Variants in PARM1 observed in about 807,000 individuals in gnomAD.
PARM1 encodes prostate androgen-regulated mucin-like protein 1, also known as WSC4, cell wall integrity and stress response component 4 homolog.
A neutral mutation model predicts 24.6 loss-of-function variants in PARM1; 14 were observed. The ratio of observed to expected loss-of-function variants is 0.57; its 90% CI spans 0.38 to 0.89. PARM1 has a LOEUF of 0.89. Ranked by LOEUF, PARM1 falls within the 40% of genes least tolerant of loss-of-function variation. PARM1 has a pLI of 0.00. For missense variants in PARM1, 362 were observed against 380.4 expected (o/e 0.95, Z 0.40); for synonymous variants, 179 against 156.6 (o/e 1.14, Z -1.07).
intron 1 of PARM1, chr4:74,967,434 C>T (rs1391117264): frequency 6.6e-6 from 1 of 152,140 alleles, no homozygotes; most frequent in Non-Finnish European, 1.5e-5. Context: ...CATTTCTTCA[C>T]CTGACTTTGG....
intron 1 of PARM1, among the ~76,000 whole-genome samples, chr4:74,969,189 C>G (rs1721971332): frequency 1.3e-5 from 2 of 152,154 alleles, no homozygotes; most frequent in African/African-American, 4.8e-5. Flanking sequence ...TACTCTTTCT[C>G]ACTTACAGAA....
At chr4:74,955,232 G>GAA (rs957577775) in intron 1 of PARM1, among the ~76,000 whole-genome samples, 18 of 140,228 alleles carry the variant, frequency 1.3e-4, no homozygotes, top group African/African-American at 4.1e-4. Flanking sequence ...TTTGAAAAAT[G>GAA]AAAAAAAAAA....
intron 1 of PARM1, among the ~76,000 whole-genome samples, chr4:74,964,914 T>A (rs1721867283): frequency 6.6e-6 from 1 of 152,194 alleles, no homozygotes; most frequent in South Asian, 2.1e-4. Context: ...TCTTGAAAGT[T>A]TAGGAATAGA....
rs769441245 is a variant in PARM1, at chr4:75,044,603, T to A, written c.849-1560T>A. ...GGAAGAGAAGCAATAACAAGTAAAT[T>A]ATATAGTATGTTAGAAGGTGAGGAG... On this transcript the variant is annotated intron_variant, in intron 3 of 3. Transcript: ENST00000307428. 8.0e-4 allele frequency among the ~76,000 whole-genome samples: 122 copies of A among 152,226 alleles called. No homozygotes were observed. The Middle Eastern group carries it at 0.01, about 13-fold the overall frequency.
chr4:74,988,045 T>C (rs1303320377), intron 1 of PARM1, among the ~76,000 whole-genome samples: 1 of 152,242 alleles, frequency 6.6e-6, no homozygotes, highest in Admixed American at 6.5e-5. Context: ...GACTTCATTA[T>C]GGGAGAGATG....
intron 1 of PARM1, among the ~76,000 whole-genome samples, chr4:74,975,579 G>A (rs939144306): frequency 1.3e-5 from 2 of 152,138 alleles, no homozygotes; most frequent in African/African-American, 4.8e-5. Context: ...GAAGTCAAAG[G>A]TATATTTTAT....
intron 1 of PARM1, among the ~76,000 whole-genome samples, chr4:74,981,176 A>G (rs1038876929): frequency 3.3e-5 from 5 of 152,202 alleles, no homozygotes; most frequent in African/African-American, 4.8e-5. Context: ...TGAACAGACA[A>G]CTTACAGGAT....
At chr4:75,008,223 T>C (rs924436459) in intron 1 of PARM1, among the ~76,000 whole-genome samples, 4 of 152,208 alleles carry the variant, frequency 2.6e-5, no homozygotes, top group African/African-American at 9.6e-5. Flanking sequence ...ATTTCATGCA[T>C]TGTTAGTTTG....
intron 2 of PARM1, 67 bp from the exon 3 acceptor site, chr4:75,033,816 A>G: frequency 1.5e-6 from 2 of 1,317,168 alleles, no homozygotes; most frequent in Non-Finnish European, 2.1e-6. Flanking sequence ...GATACTACGC[A>G]CGCCAAAGTC....
chr4:74,939,700 A>G (rs541361880), intron 1 of PARM1, among the ~76,000 whole-genome samples: 125 of 152,320 alleles, frequency 8.2e-4, no homozygotes, highest in African/African-American at 2.9e-3. Context: ...AACATATTAT[A>G]TAGAATTTTA....
At chr4:74,996,851 A>G (rs1384651203) in intron 1 of PARM1, among the ~76,000 whole-genome samples, 2 of 152,172 alleles carry the variant, frequency 1.3e-5, no homozygotes, top group Non-Finnish European at 2.9e-5. Flanking sequence ...TGTAGTTTTT[A>G]TATGGTGCTC....
At chr4:74,937,755 A>G (rs962083964) in intron 1 of PARM1, among the ~76,000 whole-genome samples, 16 of 152,246 alleles carry the variant, frequency 1.1e-4, no homozygotes. Flanking sequence ...ATGTGTTTGT[A>G]CTTGAACTAT....
At chr4:74,967,674 A>C (rs1721933558) in intron 1 of PARM1, 1 of 152,202 alleles carries the variant, frequency 6.6e-6, no homozygotes, top group Non-Finnish European at 1.5e-5. Flanking sequence ...CCATAAATAC[A>C]TTCTGAAAAG....
intron 1 of PARM1, among the ~76,000 whole-genome samples, chr4:74,964,553 GCACACA>G (rs35380033): frequency 2.1e-5 from 3 of 143,294 alleles, no homozygotes; most frequent in Non-Finnish European, 4.5e-5. Context: ...ACCTGGCAAA[GCACACA>G]CACACACACA....
intron 2 of PARM1, among the ~76,000 whole-genome samples, chr4:75,014,117 GT>G (rs1722932776): frequency 1.3e-5 from 2 of 152,204 alleles, no homozygotes; most frequent in South Asian, 4.1e-4. Context: ...TGCATGGTCA[GT>G]TGGGGTCAAA....
chr4:74,979,585 G>A (rs185835760), intron 1 of PARM1, among the ~76,000 whole-genome samples: 19 of 152,272 alleles, frequency 1.2e-4, no homozygotes, highest in African/African-American at 4.6e-4. Flanking sequence ...AATTGAAAAG[G>A]AGGGACTTCT....
At chr4:75,033,521 A>C (rs2109808913) in intron 2 of PARM1, among the ~76,000 whole-genome samples, 1 of 152,312 alleles carries the variant, frequency 6.6e-6, no homozygotes, top group Middle Eastern at 3.4e-3. Context: ...GACATCAAGA[A>C]ATCTAAAACC....
chr4:74,965,081 C>A (rs1211470180), intron 1 of PARM1: 1 of 152,158 alleles, frequency 6.6e-6, no homozygotes. Context: ...CATTCCACCC[C>A]CTAGATTCCA....
At chr4:74,956,848 T>G (rs1486460252) in intron 1 of PARM1, 3 of 152,254 alleles carry the variant, frequency 2.0e-5, no homozygotes, top group Non-Finnish European at 4.4e-5. Context: ...GATGCATGAT[T>G]TATATATTTT....
Sources: allele counts gnomAD v4.1 joint callset (sites outside exome capture counted in the v4.1 genomes callset), GRCh38; gene constraint gnomAD v4.1.1; transcripts MANE v1.5; gene names NCBI Gene and HGNC (gene_info 2026-07-23, HGNC 2026-07-21).